The following MDM1 variants were observed in gnomAD, a reference collection of about 807,000 sequenced individuals.
The protein encoded by MDM1 is Mdm1 nuclear protein.
MDM1 carries 61 observed loss-of-function variants against 89.1 expected under a neutral mutation model. The ratio of observed to expected loss-of-function variants is 0.68; its 90% confidence interval spans 0.56 to 0.85. The LOEUF (loss-of-function observed/expected upper bound fraction) is 0.85. MDM1 is among the 40% of genes least tolerant of loss of function. MDM1 has a pLI of 0.00. For synonymous variants in MDM1, 290 were observed against 294.1 expected (o/e 0.99, Z 0.14); for missense variants, 820 against 846.5 (o/e 0.97, Z 0.39).
At chr12:68,295,407 A>T (rs1030600549) in intron 14 of MDM1, 41 bp from the exon 15 acceptor site, 2 of 1,198,414 alleles carry the variant, frequency 1.7e-6, no homozygotes, top group Admixed American at 2.0e-5. Context: ...ATTGCCAAAA[A>T]TATCTATTAA....
At chr12:68,304,325 T>A (rs1872598583) in intron 12 of MDM1, among the ~76,000 whole-genome samples, 1 of 152,204 alleles carries the variant, frequency 6.6e-6, no homozygotes, top group Non-Finnish European at 1.5e-5. Context: ...CAAACTTTCC[T>A]GATTATTTCT....
At chr12:68,301,586 G>T (rs1260605228) in intron 13 of MDM1, among the ~76,000 whole-genome samples, 1 of 152,004 alleles carries the variant, frequency 6.6e-6, no homozygotes, top group African/African-American at 2.4e-5. Context: ...TACCCCAAAA[G>T]CTATTGAAAT....
rs574893045 is a variant in MDM1 at position 68,326,414 on chromosome 12, C to T, written c.498+243G>A. Reference sequence around the variant, plus strand: ...TAATATATGATGAATAAAATCCAGACGCAGGAGGTCCATCCAATAAACAGA... The same window carrying T: ...TAATATATGATGAATAAAATCCAGATGCAGGAGGTCCATCCAATAAACAGA... On this transcript the variant is annotated intron_variant, in intron 3 of 14. Transcript: ENST00000682720. 715 of 1,448,144 alleles carry T rather than the reference C, an allele frequency of 4.9e-4. 3 individuals are homozygous for T. The highest frequency in any genetic ancestry group is 1.2e-3 in the South Asian group (77 of 65,694). The allele number at this position is 1,448,144 out of a possible 1,614,324, so 89.7% of individuals were successfully genotyped here.
At chr12:68,314,391 G>A (rs1874176502) in intron 10 of MDM1, among the ~76,000 whole-genome samples, 1 of 152,084 alleles carries the variant, frequency 6.6e-6, no homozygotes, top group Admixed American at 6.6e-5. Flanking sequence ...GTCAGCACCG[G>A]CACAGCAGAG....
At chr12:68,332,166 T>A (rs1876927152) in intron 1 of MDM1, 62 bp downstream of exon 1, 3 of 1,503,256 alleles carry the variant, frequency 2.0e-6, no homozygotes, top group Admixed American at 4.4e-5. Flanking sequence ...ACCTCGGCGC[T>A]CCACACCTCC....
In MDM1 at chr12:68,313,667, T is replaced by C. The variant is rs139434642; in HGVS notation, c.1616A>G (p.His539Arg). The C allele has an allele frequency of 1.3e-5, 21 of 1,614,144 alleles. No homozygotes were observed. In the East Asian group the frequency reaches 4.7e-4, roughly 36 times the overall value. The change falls in exon 11 of 15, where the codon CAT (histidine) becomes CGT (arginine). Residue 539 changes from histidine (H) to arginine (R), a missense_variant. His to Arg is a conservative substitution (Grantham distance 29). Transcript: ENST00000682720. ...ACCAACAGCTGGAGTAGTGAGATCA[T>C]GATGAGTCCTCTGGATTCCACCAAG... ...RELGGIQRTH[H>R]DLTTPAVGGA...
intron 1 of MDM1, among the ~76,000 whole-genome samples, chr12:68,331,614 T>G (rs1165122485): frequency 1.3e-5 from 2 of 152,186 alleles, no homozygotes; most frequent in Admixed American, 6.5e-5. Flanking sequence ...TGCTATTTGA[T>G]AAAGTCAACA....
At chr12:68,310,756 C>A (rs1023194636) in intron 12 of MDM1, among the ~76,000 whole-genome samples, 2 of 152,238 alleles carry the variant, frequency 1.3e-5, no homozygotes, top group African/African-American at 4.8e-5. Flanking sequence ...CCATCTCCCA[C>A]CTGTTCCCAA....
Position 68,323,501 on chromosome 12 carries a change from G to A in MDM1, c.634-261C>T, listed in dbSNP as rs551830747. 8.8e-4 allele frequency: 234 copies of A among 264,510 alleles called. 1 individual carries two copies. Among genetic ancestry groups the A allele is most frequent in the African/African-American group, 4.6e-3 (207 of 44,876 alleles). The allele number at this position is 264,510 out of a possible 1,614,324, so 16.4% of individuals were successfully genotyped here. ...CGTTGGCATATTTTCATATGACATA[G>A]ACATTAGCTTTAAGGCAACTCTGTT... On this transcript the variant is annotated intron_variant, in intron 4 of 14. Transcript: ENST00000682720.
At position 68,327,546 on chromosome 12, in the gene MDM1, A is replaced by T. The variant is rs1021353378; in HGVS notation, c.134-525T>A. 6.6e-6 allele frequency: 10 copies of T among 1,509,758 alleles called. No homozygotes were observed. The African/African-American group carries it at 1.2e-4, about 19-fold the overall frequency. 93.5% of individuals were successfully genotyped at this position (1,509,758 alleles called of 1,614,324 possible). On this transcript the variant is annotated intron_variant, in intron 2 of 14. Coordinates refer to ENST00000682720, the MANE Select transcript of MDM1 (RefSeq NM_001354969.2). ...AAAAAGAATAAGCCCTTTTAACAAC[A>T]GCTAAGATACAATTTCTCTATATTT...
At chr12:68,301,468 G>A (rs1010826158) in intron 13 of MDM1, among the ~76,000 whole-genome samples, 2 of 152,110 alleles carry the variant, frequency 1.3e-5, no homozygotes, top group Non-Finnish European at 2.9e-5. Context: ...GGTGGGGGAA[G>A]GGATAAAAGT....
Position 68,313,729 on chromosome 12 carries a change from T to C in MDM1, c.1554A>G (p.Glu518=). 2 of 1,614,074 alleles carry C rather than the reference T, an allele frequency of 1.2e-6. No homozygotes were observed. The highest frequency in any genetic ancestry group is 1.7e-6 in the Non-Finnish European group (2 of 1,179,906). Residue 518 remains glutamate, a synonymous_variant, in exon 11 of 15, where the codon GAA becomes GAG. Transcript: ENST00000682720. ...KEGSDSSVSS[E]KGGRLPTPKL... The stretch of plus-strand genomic sequence containing the variant: ...TGGGAGTAGGAAGCCGGCCTCCTTT[T>C]TCTGAGGATACAGAAGAATCTGACC...
At chr12:68,319,716 A>G (rs1874968888) in intron 7 of MDM1, among the ~76,000 whole-genome samples, 1 of 152,232 alleles carries the variant, frequency 6.6e-6, no homozygotes, top group Admixed American at 6.5e-5. Flanking sequence ...TTTTTCTCAA[A>G]GAAATTAAGG....
At chr12:68,303,896 T>C (rs1357886956) in intron 12 of MDM1, among the ~76,000 whole-genome samples, 1 of 152,230 alleles carries the variant, frequency 6.6e-6, no homozygotes, top group Non-Finnish European at 1.5e-5. Context: ...TTTTCCACAA[T>C]GACTATGTAT....
chr12:68,314,123 C>A (rs920780505), intron 10 of MDM1, among the ~76,000 whole-genome samples: 8 of 120,264 alleles, frequency 6.7e-5, no homozygotes, highest in African/African-American at 2.1e-4. Context: ...GGTGACAGAG[C>A]GAAACTCCGT....
rs549435107 is a variant in MDM1 at position 68,317,024 on chromosome 12, C to G, written c.1006-414G>C. 9.3e-5 allele frequency among the ~76,000 whole-genome samples: 14 copies of G among 151,334 alleles called. No homozygotes were observed. The East Asian group carries it at 2.5e-3, about 27-fold the overall frequency. On this transcript the variant is annotated intron_variant, in intron 7 of 14. Transcript: ENST00000682720. ...TTCCTCAATATTCCCTTGGAATCAG[C>G]AAAATCTCAACTTTTTTTTTTTTAA...
intron 5 of MDM1, among the ~76,000 whole-genome samples, chr12:68,322,149 C>T (rs1438817937): frequency 2.0e-5 from 3 of 152,076 alleles, no homozygotes; most frequent in South Asian, 2.1e-4. Flanking sequence ...CATAAAGTAT[C>T]GGGTATCAAC....
At chr12:68,319,971 G>A (rs143353579) in intron 7 of MDM1, among the ~76,000 whole-genome samples, 7 of 152,286 alleles carry the variant, frequency 4.6e-5, no homozygotes, top group Non-Finnish European at 7.4e-5. Context: ...TAAAGAAATC[G>A]CTGCTCGGCC....
chr12:68,311,095 C>T (rs1044325085), intron 12 of MDM1, among the ~76,000 whole-genome samples: 4 of 152,126 alleles, frequency 2.6e-5, no homozygotes, highest in African/African-American at 9.7e-5. Context: ...CATTATAATC[C>T]CTTCTTCATA....
Sources: allele counts gnomAD v4.1 joint callset (sites outside exome capture counted in the v4.1 genomes callset), GRCh38; gene constraint gnomAD v4.1.1; transcripts MANE v1.5; gene names NCBI Gene and HGNC (gene_info 2026-07-23, HGNC 2026-07-21).